Variants in C12orf54 observed in about 807,000 individuals in gnomAD.
C12orf54 encodes chromosome 12 open reading frame 54, also known as uncharacterized protein C12orf54.
A neutral mutation model predicts 26.4 loss-of-function variants in C12orf54; 24 were observed. That is an observed-to-expected ratio of 0.91 (90% CI 0.66 to 1.28). The LOEUF (loss-of-function observed/expected upper bound fraction) is 1.28. Among genes scored for constraint, C12orf54 ranks in the 50% most tolerant of loss-of-function variants. The pLI is 0.00. For missense variants in C12orf54, 154 were observed against 150.9 expected, an observed-to-expected ratio of 1.02 and a Z score of -0.11; for synonymous variants, 54 against 47.0, an observed-to-expected ratio of 1.15 and a Z score of -0.61.
At chr12:48,493,439 A>G (rs752163390) in intron 7 of C12orf54, among the ~76,000 whole-genome samples, 1 of 151,952 alleles carries the variant, frequency 6.6e-6, no homozygotes. Context: ...AGTTCGACAC[A>G]GTGAGACCTG....
chr12:48,477,579 C>T (rs942534175), upstream of C12orf54, among the ~76,000 whole-genome samples: 4 of 152,166 alleles, frequency 2.6e-5, no homozygotes, highest in African/African-American at 9.7e-5. Context: ...CCACCAATCT[C>T]ACAGAAGTAC....
chr12:48,474,990 C>G, the C12orf54 span, among the ~76,000 whole-genome samples: 1 of 152,328 alleles, frequency 6.6e-6, no homozygotes, highest in South Asian at 2.1e-4. Context: ...AACTGGGAGG[C>G]ACCCCCCAGT....
the C12orf54 span, among the ~76,000 whole-genome samples, chr12:48,462,891 A>G: frequency 0.14 from 21,972 of 151,736 alleles, 2,801 homozygotes; most frequent in East Asian, 0.66. Context: ...ATAGATTCTA[A>G]CCAGTACAAT....
chr12:48,422,624 A>C, the C12orf54 span, among the ~76,000 whole-genome samples: 24 of 152,318 alleles, frequency 1.6e-4, no homozygotes, highest in African/African-American at 5.8e-4. Flanking sequence ...ACAATGGCAA[A>C]AATCTCAGAA....
chr12:48,492,728 C>T (rs927880406), intron 6 of C12orf54, among the ~76,000 whole-genome samples: 2 of 152,186 alleles, frequency 1.3e-5, no homozygotes, highest in African/African-American at 2.4e-5. Flanking sequence ...GATGAACAGA[C>T]CTTCAGTGGC....
rs955250500 is a variant in C12orf54 at position 48,490,836 on chromosome 12, G to A, written c.193G>A (p.Gly65Arg). 6.2e-7 allele frequency: 1 copy of A among 1,613,224 alleles called. No individual in the cohort carries two copies. Among genetic ancestry groups the A allele is most frequent in the Non-Finnish European group, 8.5e-7 (1 of 1,179,380 alleles). ...KELQEDARIR[G>R]MSNCSMTPMT... ...GCTGCAGGAAGATGCTCGGATTCGA[G>A]GTAAAACAGCACCATTCCAAGGTTT... Residue 65 changes from glycine to arginine, a missense_variant and splice_region_variant, in exon 6 of 9, where the codon GGG becomes AGG. Coordinates refer to ENST00000548364, the MANE Select transcript of C12orf54 (RefSeq NM_152319.4).
chr12:48,486,027 G>T (rs1387620314), intron 2 of C12orf54, 151 bp from the exon 3 acceptor site: 1 of 665,184 alleles, frequency 1.5e-6, no homozygotes, highest in South Asian at 2.0e-5. Flanking sequence ...CCCATAAAGG[G>T]ATATGAGAGG....
chr12:48,423,496 G>A, the C12orf54 span, among the ~76,000 whole-genome samples: 1 of 151,994 alleles, frequency 6.6e-6, no homozygotes, highest in African/African-American at 2.4e-5. Context: ...GTGAAAGTAT[G>A]CAAAAATTCA....
At chr12:48,424,502 A>T in the C12orf54 span, among the ~76,000 whole-genome samples, 7 of 151,740 alleles carry the variant, frequency 4.6e-5, no homozygotes, top group Non-Finnish European at 1.0e-4. Flanking sequence ...GTAAAAATTC[A>T]ATTTTTTTAT....
chr12:48,431,598 A>G, the C12orf54 span, among the ~76,000 whole-genome samples: 1 of 152,222 alleles, frequency 6.6e-6, no homozygotes, highest in Admixed American at 6.5e-5. Context: ...TAAATTAGAA[A>G]TAAAAAATTT....
At chr12:48,447,111 G>T in the C12orf54 span, among the ~76,000 whole-genome samples, 1 of 152,022 alleles carries the variant, frequency 6.6e-6, no homozygotes, top group Non-Finnish European at 1.5e-5. Context: ...GTAATTTGAA[G>T]ATATCACTAC....
chr12:48,458,958 G>A, the C12orf54 span, among the ~76,000 whole-genome samples: 1 of 150,416 alleles, frequency 6.6e-6, no homozygotes, highest in Non-Finnish European at 1.5e-5. Context: ...AGATGTCCAA[G>A]CATGCTGACA....
chr12:48,439,960 C>T, the C12orf54 span, among the ~76,000 whole-genome samples: 1 of 152,068 alleles, frequency 6.6e-6, no homozygotes, highest in Non-Finnish European at 1.5e-5. Flanking sequence ...CACGGTGGCT[C>T]ATGCCTGTAA....
At chr12:48,425,812 C>T in the C12orf54 span, among the ~76,000 whole-genome samples, 3 of 152,020 alleles carry the variant, frequency 2.0e-5, no homozygotes, top group African/African-American at 7.2e-5. Flanking sequence ...TTTTCATTTG[C>T]ATTTCTCTAA....
upstream of C12orf54, among the ~76,000 whole-genome samples, chr12:48,481,283 G>C (rs1030676548): frequency 2.6e-5 from 4 of 152,184 alleles, no homozygotes; most frequent in East Asian, 7.7e-4. Flanking sequence ...TGGATTATGA[G>C]ATACATCTGG....
At chr12:48,473,056 A>G in the C12orf54 span, 1 of 1,614,048 alleles carries the variant, frequency 6.2e-7, no homozygotes, top group Non-Finnish European at 8.5e-7. Context: ...CTGAACAACT[A>G]CTGAGAAAAG....
At chr12:48,451,932 G>T in the C12orf54 span, among the ~76,000 whole-genome samples, 4 of 152,172 alleles carry the variant, frequency 2.6e-5, no homozygotes, top group Admixed American at 1.3e-4. Context: ...TAGATTCAAT[G>T]CTATTCCCAT....
chr12:48,489,155 G>A (rs746155976), intron 5 of C12orf54, 199 bp downstream of exon 5: 3 of 741,942 alleles, frequency 4.0e-6, no homozygotes, highest in East Asian at 5.0e-5. Flanking sequence ...CAGTTCCCTT[G>A]AGGAAATGTG....
the C12orf54 span, among the ~76,000 whole-genome samples, chr12:48,434,902 C>A: frequency 2.6e-5 from 4 of 152,168 alleles, no homozygotes; most frequent in Non-Finnish European, 5.9e-5. Flanking sequence ...TGGAACAAAG[C>A]TGGACAGAGA....
Sources: allele counts gnomAD v4.1 joint callset (sites outside exome capture counted in the v4.1 genomes callset), GRCh38; gene constraint gnomAD v4.1.1; transcripts MANE v1.5; gene names NCBI Gene and HGNC (gene_info 2026-07-23, HGNC 2026-07-21).